SNTG1: variants seen among roughly 807,000 people sequenced by gnomAD.
SNTG1 encodes gamma-1-syntrophin.
A neutral mutation model predicts 74.7 loss-of-function variants in SNTG1; 39 were observed. The observed-to-expected ratio is 0.52, with a 90% confidence interval of 0.40 to 0.68. The LOEUF (loss-of-function observed/expected upper bound fraction) is 0.68, where lower values mean the gene tolerates loss of function less well. Among genes scored for constraint, SNTG1 ranks in the 30% least tolerant of loss-of-function variants. The pLI is 0.00. For missense variants in SNTG1, 685 were observed against 609.5 expected (o/e 1.12, Z -1.30); for synonymous variants, 254 against 217.1 (o/e 1.17, Z -1.49).
chr8:50,392,880 A>T (rs190454262), intron 2 of SNTG1, among the ~76,000 whole-genome samples: 1 of 152,242 alleles, frequency 6.6e-6, no homozygotes, highest in Admixed American at 6.5e-5. Context: ...ATGAGGTTAT[A>T]TTTAGATGGT....
chr8:50,518,410 A>C (rs1339925908), intron 9 of SNTG1, among the ~76,000 whole-genome samples: 2 of 152,162 alleles, frequency 1.3e-5, no homozygotes, highest in Non-Finnish European at 2.9e-5. Context: ...GAGAAGCAAG[A>C]CCAAACAAAT....
At chr8:49,974,999 C>A (rs1319546712) in intron 1 of SNTG1, among the ~76,000 whole-genome samples, 1 of 151,902 alleles carries the variant, frequency 6.6e-6, no homozygotes, top group Non-Finnish European at 1.5e-5. Context: ...CAGGCAGGGT[C>A]CATGGACACG....
At chr8:50,654,283 C>T (rs957794272) in intron 13 of SNTG1, among the ~76,000 whole-genome samples, 1 of 152,004 alleles carries the variant, frequency 6.6e-6, no homozygotes, top group South Asian at 2.1e-4. Flanking sequence ...AAACTTTTGT[C>T]TCTCCAATCA....
chr8:50,086,775 C>T (rs542673956), intron 1 of SNTG1, among the ~76,000 whole-genome samples: 1 of 152,156 alleles, frequency 6.6e-6, no homozygotes, highest in Admixed American at 6.6e-5. Flanking sequence ...TGGAAGGAAA[C>T]AAACCAAAAA....
chr8:50,000,064 G>T (rs137919414), intron 1 of SNTG1, among the ~76,000 whole-genome samples: 1 of 152,238 alleles, frequency 6.6e-6, no homozygotes, highest in African/African-American at 2.4e-5. Flanking sequence ...CCAAGAGAAA[G>T]TCTGTTCATT....
At chr8:50,470,066 C>A (rs1174409780) in intron 8 of SNTG1, among the ~76,000 whole-genome samples, 2 of 152,108 alleles carry the variant, frequency 1.3e-5, no homozygotes, top group East Asian at 1.9e-4. Context: ...GGCTGCCCAG[C>A]GCCACACAAA....
At chr8:50,559,835 C>T (rs905818123) in intron 12 of SNTG1, among the ~76,000 whole-genome samples, 13 of 152,084 alleles carry the variant, frequency 8.5e-5, no homozygotes, top group Middle Eastern at 3.2e-3. Flanking sequence ...ATGACAAAAA[C>T]GCAAGAAGCA....
chr8:50,260,123 A>G (rs1338611137), intron 2 of SNTG1, among the ~76,000 whole-genome samples: 1 of 152,182 alleles, frequency 6.6e-6, no homozygotes, highest in Non-Finnish European at 1.5e-5. Flanking sequence ...AACAAGAATT[A>G]CCCTCAAAAC....
intron 5 of SNTG1, among the ~76,000 whole-genome samples, chr8:50,448,899 G>A (rs924510169): frequency 1.3e-4 from 11 of 83,664 alleles, no homozygotes; most frequent in East Asian, 1.3e-3. Context: ...TGGGCATGGC[G>A]CACCTGTAGT....
intron 9 of SNTG1, among the ~76,000 whole-genome samples, chr8:50,503,313 C>T (rs1157660397): frequency 1.3e-5 from 2 of 152,120 alleles, no homozygotes; most frequent in Non-Finnish European, 2.9e-5. Flanking sequence ...CATAGAACTA[C>T]TTAAAAAGTT....
intron 1 of SNTG1, among the ~76,000 whole-genome samples, chr8:50,051,257 C>CACAG (rs1341164647): frequency 6.6e-6 from 1 of 151,532 alleles, no homozygotes; most frequent in Non-Finnish European, 1.5e-5. Context: ...CACACACACA[C>CACAG]ACACACACAC....
At position 50,566,983 on chromosome 8, in the gene SNTG1, A is replaced by G. The variant is rs1371132366; in HGVS notation, c.810+13804A>G. Among the ~76,000 whole-genome samples the G allele has an allele frequency of 2.0e-5, 3 of 152,200 alleles. No individual in the cohort carries two copies. In the East Asian group the frequency reaches 5.8e-4, roughly 29 times the overall value. On this transcript the variant is annotated intron_variant, in intron 12 of 18. Coordinates refer to ENST00000642720, the MANE Select transcript of SNTG1 (RefSeq NM_018967.5). Reference sequence around the variant, plus strand: ...TCTTTCCAGTTGAATTCTAAATTAAATGATGTAATCCATAAACCATCAATA... The same window carrying G: ...TCTTTCCAGTTGAATTCTAAATTAAGTGATGTAATCCATAAACCATCAATA...
At chr8:50,445,120 T>C (rs2131598273) in intron 5 of SNTG1, among the ~76,000 whole-genome samples, 1 of 152,292 alleles carries the variant, frequency 6.6e-6, no homozygotes, top group Middle Eastern at 3.4e-3. Context: ...CATATGAAGG[T>C]AATCATATAG....
intron 1 of SNTG1, among the ~76,000 whole-genome samples, chr8:49,932,984 G>A (rs1807732741): frequency 2.5e-5 from 1 of 39,492 alleles, no homozygotes; most frequent in Non-Finnish European, 4.7e-5. Context: ...ATATTCCATT[G>A]TATGATTTTT....
intron 2 of SNTG1, among the ~76,000 whole-genome samples, chr8:50,277,262 G>GC (rs1441687664): frequency 2.0e-5 from 1 of 50,834 alleles, no homozygotes. Flanking sequence ...GCAAGACCCT[G>GC]CCAAAAAAAA....
rs559762624 is a variant in SNTG1 at position 50,025,072 on chromosome 8, T to C, written c.-103+112841T>C. On this transcript the variant is annotated intron_variant, in intron 1 of 18. Coordinates refer to ENST00000642720, the MANE Select transcript of SNTG1 (RefSeq NM_018967.5). Reference sequence around the variant, plus strand: ...AAGGGGCTGAAGGCTACCAGTTGTATTTACTGAAATGTAGTCTTTTACACC... The same window carrying C: ...AAGGGGCTGAAGGCTACCAGTTGTACTTACTGAAATGTAGTCTTTTACACC... Among the ~76,000 whole-genome samples the C allele has an allele frequency of 4.6e-5, 7 of 152,302 alleles. No homozygotes were observed. In the South Asian group the frequency reaches 8.3e-4, roughly 18 times the overall value.
chr8:50,623,251 TC>T (rs1344785842), intron 13 of SNTG1, among the ~76,000 whole-genome samples: 3 of 152,132 alleles, frequency 2.0e-5, no homozygotes, highest in Admixed American at 1.3e-4. Context: ...TTGTTTTTGA[TC>T]TGAGAGGAAA....
rs1225820056 is a variant in SNTG1 at position 50,450,591 on chromosome 8, A to G, written c.313A>G (p.Ile105Val). Residue 105 changes from isoleucine (I) to valine (V), a missense_variant, in exon 7 of 19, where the codon ATT (isoleucine) becomes GTT (valine). Coordinates refer to ENST00000642720, the MANE Select transcript of SNTG1 (RefSeq NM_018967.5). The part of the protein sequence containing the change: ...LSGLLFIGDA[I>V]LQINGINVRK... ...AGGACTACTTTTTATTGGAGATGCA[A>G]TTCTACAGGTATACATTTTATCACT... 3.7e-6 allele frequency: 6 copies of G among 1,613,370 alleles called. No homozygotes were observed. The highest frequency in any genetic ancestry group is 2.7e-5 in the African/African-American group (2 of 74,900).
intron 4 of SNTG1, among the ~76,000 whole-genome samples, chr8:50,408,387 G>A (rs565834466): frequency 1.8e-4 from 28 of 152,136 alleles, no homozygotes; most frequent in Non-Finnish European, 2.4e-4. Flanking sequence ...GAGGTTAGAC[G>A]CACTAGGGAG....
Sources: allele counts gnomAD v4.1 joint callset (sites outside exome capture counted in the v4.1 genomes callset), GRCh38; gene constraint gnomAD v4.1.1; transcripts MANE v1.5; gene names NCBI Gene and HGNC (gene_info 2026-07-23, HGNC 2026-07-21).